Variants in SLIT2 observed in about 807,000 individuals in gnomAD.
SLIT2 encodes slit guidance ligand 2, also known as slit homolog 2 protein.
SLIT2 carries 41 observed loss-of-function variants against 185.7 expected under a neutral mutation model. The ratio of observed to expected loss-of-function variants is 0.22; its 90% CI spans 0.17 to 0.29. SLIT2 has a LOEUF of 0.29. SLIT2 is among the 10% of genes least tolerant of loss of function. The pLI is 1.00. For synonymous variants in SLIT2, 693 were observed against 680.2 expected (o/e 1.02, Z -0.29); for missense variants, 1,571 against 1,909.0 (o/e 0.82, Z 3.30).
intron 33 of SLIT2, among the ~76,000 whole-genome samples, chr4:20,607,519 CA>C (rs1157664265): frequency 1.3e-5 from 2 of 151,658 alleles, no homozygotes; most frequent in African/African-American, 2.4e-5. Flanking sequence ...ACATGTACTC[CA>C]AAAAAGAGTA....
chr4:20,262,845 T>C (rs565585728), intron 3 of SLIT2, among the ~76,000 whole-genome samples: 1 of 152,020 alleles, frequency 6.6e-6, no homozygotes, highest in East Asian at 1.9e-4. Context: ...ATTGAATCCA[T>C]CTGAGAGAAT....
At chr4:20,602,794 T>C (rs754617284) in intron 33 of SLIT2, among the ~76,000 whole-genome samples, 4 of 152,166 alleles carry the variant, frequency 2.6e-5, no homozygotes, top group Non-Finnish European at 5.9e-5. Context: ...AAATCAGCCA[T>C]ATTGGGAATA....
chr4:20,286,503 C>T (rs1715280024), intron 4 of SLIT2, among the ~76,000 whole-genome samples: 1 of 152,024 alleles, frequency 6.6e-6, no homozygotes, highest in Admixed American at 6.6e-5. Context: ...AAGTATCCTC[C>T]TAAAGTACAG....
At chr4:20,277,438 A>G (rs1714276966) in intron 4 of SLIT2, among the ~76,000 whole-genome samples, 1 of 151,898 alleles carries the variant, frequency 6.6e-6, no homozygotes, top group African/African-American at 2.4e-5. Context: ...ATTAAAATAC[A>G]TTTTGATTGG....
intron 4 of SLIT2, among the ~76,000 whole-genome samples, chr4:20,462,032 G>A (rs1162369889): frequency 1.3e-5 from 2 of 152,106 alleles, no homozygotes; most frequent in East Asian, 1.9e-4. Context: ...TAGTAGAAGG[G>A]GGAGGGTCTA....
intron 4 of SLIT2, among the ~76,000 whole-genome samples, chr4:20,323,747 GAAA>G (rs1257098688): frequency 6.6e-6 from 1 of 151,994 alleles, no homozygotes; most frequent in Non-Finnish European, 1.5e-5. Flanking sequence ...GCTGGCATAG[GAAA>G]AAACAGAAAC....
At chr4:20,518,128 C>CT (rs2148837623) in intron 11 of SLIT2, among the ~76,000 whole-genome samples, 1 of 138,922 alleles carries the variant, frequency 7.2e-6, no homozygotes, top group East Asian at 2.0e-4. Context: ...CATATATATA[C>CT]ATATACATAT....
intron 9 of SLIT2, among the ~76,000 whole-genome samples, chr4:20,503,456 C>G (rs1286563984): frequency 6.6e-6 from 1 of 152,044 alleles, no homozygotes; most frequent in Non-Finnish European, 1.5e-5. Context: ...AACAAAACTT[C>G]TAAGTGTTTT....
intron 29 of SLIT2, among the ~76,000 whole-genome samples, chr4:20,571,008 C>T (rs1725560978): frequency 6.6e-6 from 1 of 151,984 alleles, no homozygotes; most frequent in Non-Finnish European, 1.5e-5. Flanking sequence ...ATGTTTTCTC[C>T]TATTCTAAGT....
chr4:20,341,646 T>C (rs1320174004), intron 4 of SLIT2, among the ~76,000 whole-genome samples: 4 of 152,188 alleles, frequency 2.6e-5, no homozygotes, highest in Non-Finnish European at 5.9e-5. Flanking sequence ...GGTCTCTGCT[T>C]TGTGGTAAAC....
chr4:20,431,128 T>C (rs1294636466), intron 4 of SLIT2, among the ~76,000 whole-genome samples: 1 of 152,228 alleles, frequency 6.6e-6, no homozygotes, highest in African/African-American at 2.4e-5. Context: ...CCAGAAATAA[T>C]GTTAATGAAT....
intron 33 of SLIT2, among the ~76,000 whole-genome samples, chr4:20,606,156 A>T (rs1728783871): frequency 6.6e-6 from 1 of 152,166 alleles, no homozygotes; most frequent in Non-Finnish European, 1.5e-5. Context: ...AATGTTATTA[A>T]CTCTGAAAAA....
rs554962594 is a variant in SLIT2 at position 20,330,199 on chromosome 4, A to T, written c.395+61318A>T. On this transcript the variant is annotated intron_variant, in intron 4 of 36. Transcript: ENST00000504154. Reference sequence around the variant, plus strand: ...TGGTTTTTTTTCTTTATCAACTGGTATGTAGATTTTTCTTTTCAACTAGTT... The same window carrying T: ...TGGTTTTTTTTCTTTATCAACTGGTTTGTAGATTTTTCTTTTCAACTAGTT... Among the ~76,000 whole-genome samples, 26 of 152,180 alleles carry T rather than the reference A, an allele frequency of 1.7e-4. No individual in the cohort carries two copies. In the East Asian group the frequency reaches 4.6e-3, roughly 27 times the overall value.
intron 3 of SLIT2, among the ~76,000 whole-genome samples, chr4:20,263,409 A>T (rs1178153667): frequency 1.3e-5 from 2 of 151,812 alleles, no homozygotes; most frequent in Admixed American, 1.3e-4. Context: ...ACAGATGGAC[A>T]GTTCTGGAGC....
chr4:20,307,959 G>A (rs767873005), intron 4 of SLIT2, among the ~76,000 whole-genome samples: 30 of 152,128 alleles, frequency 2.0e-4, no homozygotes, highest in Admixed American at 9.8e-4. Context: ...CATTGCTTTA[G>A]GAACTGCTGA....
At chr4:20,604,917 C>A (rs1247420299) in intron 33 of SLIT2, among the ~76,000 whole-genome samples, 1 of 151,536 alleles carries the variant, frequency 6.6e-6, no homozygotes, top group African/African-American at 2.4e-5. Context: ...CTCACTGCAA[C>A]CTCCACCTCC....
intron 34 of SLIT2, among the ~76,000 whole-genome samples, chr4:20,610,543 G>A (rs1729131311): frequency 6.6e-6 from 1 of 152,088 alleles, no homozygotes; most frequent in Non-Finnish European, 1.5e-5. Flanking sequence ...GATAAAACAA[G>A]CTTAATGCAA....
rs1355952704 is a variant in SLIT2 at position 20,268,706 on chromosome 4, C to A, written c.324-104C>A. The A allele has an allele frequency of 1.4e-5, 11 of 803,292 alleles. No individual in the cohort carries two copies. In the Admixed American group the frequency reaches 1.8e-4, roughly 13 times the overall value. The allele number at this position is 803,292 out of a possible 1,614,324, so 49.8% of individuals were successfully genotyped here. A position where few individuals can be genotyped will look rare whatever the true frequency, so the allele number is the denominator to read the frequency against. The stretch of plus-strand genomic sequence containing the variant: ...GCTTGAATTCTCCTGAATGTCATTT[C>A]ATTCTTTTCTGAAATACAGGATGAG... On this transcript the variant is annotated intron_variant, in intron 3 of 36. Transcript: ENST00000504154.
At chr4:20,308,802 G>C (rs1301106748) in intron 4 of SLIT2, among the ~76,000 whole-genome samples, 2 of 152,122 alleles carry the variant, frequency 1.3e-5, no homozygotes, top group East Asian at 3.9e-4. Flanking sequence ...GTAATGTCAA[G>C]TTTCTAGTTG....
Sources: gnomAD v4.1 joint callset for allele counts (sites outside exome capture counted in the v4.1 genomes callset) on GRCh38, gnomAD v4.1.1 for gene constraint, MANE v1.5 for transcripts, NCBI Gene and HGNC (gene_info 2026-07-23, HGNC 2026-07-21) for gene names.